BRCA2: variants seen among roughly 807,000 people sequenced by gnomAD.
BRCA2 encodes the protein BRCA2 DNA repair associated, also known as breast cancer type 2 susceptibility protein.
Under a neutral mutation model 276.7 loss-of-function variants are expected in BRCA2, and 203 were observed. The observed-to-expected ratio is 0.73, with a 90% CI of 0.65 to 0.82. BRCA2 has a LOEUF of 0.82. BRCA2 is among the 40% of genes least tolerant of loss of function. The pLI is 0.00. For missense variants in BRCA2, 3,920 were observed against 3,915.0 expected (o/e 1.00, Z -0.03); for synonymous variants, 1,289 against 1,338.4 (o/e 0.96, Z 0.81).
At chr13:32,387,926 T>A (rs1019499172) in intron 24 of BRCA2, among the ~76,000 whole-genome samples, 1 of 152,144 alleles carries the variant, frequency 6.6e-6, no homozygotes, top group Non-Finnish European at 1.5e-5. Flanking sequence ...TTGTCTTGTA[T>A]GCAATAAATA....
rs376582345 is a variant in BRCA2 at position 32,326,577 on chromosome 13, G to A, written c.595G>A (p.Ala199Thr). 4 of 1,612,522 alleles carry A rather than the reference G, an allele frequency of 2.5e-6. No individual in the cohort carries two copies. The highest frequency in any genetic ancestry group is 1.3e-5 in the African/African-American group (1 of 74,892). ...TGATATGTCTTGGTCAAGTTCTTTA[G>A]CTACACCACCCACCCTTAGTTCTAC... ...DPDMSWSSSL[A>T]TPPTLSSTVL... Residue 199 changes from alanine (A) to threonine (T), a missense_variant, in exon 7 of 27, where the codon GCT (alanine) becomes ACT (threonine). Transcript: ENST00000380152.
At chr13:32,395,700 C>T (rs1224545950) in intron 25 of BRCA2, among the ~76,000 whole-genome samples, 1 of 151,884 alleles carries the variant, frequency 6.6e-6, no homozygotes, top group African/African-American at 2.4e-5. Flanking sequence ...GAAGAATACA[C>T]AAAAAATAAG....
chr13:32,349,267 T>G (rs149300651), intron 13 of BRCA2, among the ~76,000 whole-genome samples: 4 of 151,382 alleles, frequency 2.6e-5, no homozygotes, highest in Admixed American at 2.0e-4. Flanking sequence ...ACTCATATCC[T>G]TTCTTTGCCT....
chr13:32,363,673 C>A, intron 18 of BRCA2, 140 bp downstream of exon 18: 2 of 854,318 alleles, frequency 2.3e-6, no homozygotes, highest in Non-Finnish European at 3.6e-6. Context: ...AAAGCATATT[C>A]TTCAGACAGT....
At chr13:32,372,674 C>A (rs1464752512) in intron 20 of BRCA2, among the ~76,000 whole-genome samples, 2 of 152,124 alleles carry the variant, frequency 1.3e-5, no homozygotes, top group Non-Finnish European at 2.9e-5. Context: ...CAGAGCCAAA[C>A]CATATCATTC....
chr13:32,398,820 A>G lies in BRCA2; in HGVS notation c.*50A>G, dbSNP rs761312704. 8 of 1,588,430 alleles carry G rather than the reference A, an allele frequency of 5.0e-6. No individual in the cohort carries two copies. Among genetic ancestry groups the G allele is most frequent in the Non-Finnish European group, 6.0e-6 (7 of 1,165,406 alleles). On this transcript the variant is annotated 3_prime_UTR_variant, in exon 27 of 27. Transcript: ENST00000380152. ...TATTGACGCTTAACCTTTCCAGTTT[A>G]TAAGACTGGAATATAATTTCAAACC...
intron 10 of BRCA2, among the ~76,000 whole-genome samples, chr13:32,334,675 GAA>G (rs751202199): frequency 8.4e-6 from 1 of 118,528 alleles, no homozygotes; most frequent in Non-Finnish European, 1.8e-5. Context: ...CCTTGTCCCT[GAA>G]AAAAAAAAAA....
intron 23 of BRCA2, 44 bp downstream of exon 23, chr13:32,379,957 G>A (rs371065243): frequency 1.2e-6 from 2 of 1,613,042 alleles, no homozygotes; most frequent in South Asian, 2.2e-5. Context: ...ATAAGTGCTT[G>A]TTAGTTTATG....
rs12868315 is a variant in BRCA2 at position 32,368,810 on chromosome 13, G to T, written c.8332-1592G>T. Among the ~76,000 whole-genome samples, 36,262 of 138,866 alleles carry T rather than the reference G, an allele frequency of 0.26. 4,649 individuals are homozygous for T. Among genetic ancestry groups the T allele is most frequent in the Non-Finnish European group, 0.29 (17,962 of 62,996 alleles). The allele number at this position is 138,866 out of a possible 152,430, so 91.1% of individuals were successfully genotyped here. On this transcript the variant is annotated intron_variant, in intron 18 of 26. Transcript: ENST00000380152. ...TTTTTGTTTTTTTGTTTTTTTTTTG[G>T]TTTTTTTTGTTTTTTTTTTAGATGG...
intron 13 of BRCA2, among the ~76,000 whole-genome samples, chr13:32,350,044 G>C (rs911998836): frequency 3.3e-5 from 5 of 152,062 alleles, no homozygotes; most frequent in Non-Finnish European, 5.9e-5. Context: ...CCACCACTCA[G>C]CTTCCAGAAC....
intron 3 of BRCA2, among the ~76,000 whole-genome samples, chr13:32,320,279 A>G (rs2072298052): frequency 6.6e-6 from 1 of 152,226 alleles, no homozygotes; most frequent in Non-Finnish European, 1.5e-5. Context: ...TTATTGTGTC[A>G]AACCTTAGAT....
intron 16 of BRCA2, among the ~76,000 whole-genome samples, chr13:32,361,119 C>T (rs1167873075): frequency 3.3e-5 from 5 of 152,068 alleles, no homozygotes; most frequent in Admixed American, 1.3e-4. Flanking sequence ...CACAAGTCAT[C>T]GGCATATAGA....
At chr13:32,365,684 GT>G (rs1411471863) in intron 18 of BRCA2, among the ~76,000 whole-genome samples, 1 of 107,726 alleles carries the variant, frequency 9.3e-6, no homozygotes, top group African/African-American at 3.5e-5. Context: ...AGCCTGTTTT[GT>G]TGTTATTTAA....
rs397507307 is a variant in BRCA2, at chr13:32,337,704, A to G, written c.3349A>G (p.Ile1117Val). ...QKAEITELST[I>V]LEESGSQFEF... ...GGCAGAAATTACAGAACTTTCTACT[A>G]TATTAGAAGAATCAGGAAGTCAGTT... Residue 1117 changes from isoleucine to valine, a missense_variant, in exon 11 of 27, where the codon ATA (isoleucine) becomes GTA (valine). Around this residue, in one of 2 missense-constraint regions of BRCA2, gnomAD observed 3,263 missense variants for 3,156.9 expected, o/e 1.03. Coordinates refer to ENST00000380152, the MANE Select transcript of BRCA2 (RefSeq NM_000059.4). 1 of 1,612,366 alleles carries G rather than the reference A, an allele frequency of 6.2e-7. No individual in the cohort carries two copies. The highest frequency in any genetic ancestry group is 8.5e-7 in the Non-Finnish European group (1 of 1,179,414).
intron 20 of BRCA2, among the ~76,000 whole-genome samples, chr13:32,376,117 GA>G (rs777731383): frequency 6.0e-5 from 9 of 150,054 alleles, no homozygotes; most frequent in Non-Finnish European, 1.3e-4. Context: ...TCAGTGAAGT[GA>G]AATACATTAA....
At chr13:32,383,363 A>G (rs2072938370) in intron 24 of BRCA2, among the ~76,000 whole-genome samples, 1 of 152,184 alleles carries the variant, frequency 6.6e-6, no homozygotes, top group Non-Finnish European at 1.5e-5. Context: ...AAAGAAAAAG[A>G]GAAAGAAAAG....
chr13:32,373,370 G>C (rs1254272851), intron 20 of BRCA2, among the ~76,000 whole-genome samples: 1 of 151,746 alleles, frequency 6.6e-6, no homozygotes, highest in African/African-American at 2.4e-5. Context: ...GCTGGGCGTG[G>C]TGGCACGCGT....
At chr13:32,317,966 G>A (rs1454378685) in intron 2 of BRCA2, among the ~76,000 whole-genome samples, 1 of 152,176 alleles carries the variant, frequency 6.6e-6, no homozygotes, top group East Asian at 1.9e-4. Context: ...AGTGCTTTAT[G>A]TATGCTTCCT....
In BRCA2 at chr13:32,376,351, G is replaced by A. The variant is rs1593934495; in HGVS notation, c.8633-319G>A. On this transcript the variant is annotated intron_variant, in intron 20 of 26. Transcript: ENST00000380152. ...AGCCTGGCCAATATGGTGAAACTCC[G>A]TCTCTACCAAAAATGCAAAAATTAA... 4.6e-5 allele frequency among the ~76,000 whole-genome samples: 7 copies of A among 151,738 alleles called. No homozygotes were observed. In the South Asian group the frequency reaches 8.3e-4, roughly 18 times the overall value.
Sources: allele counts gnomAD v4.1 joint callset (sites outside exome capture counted in the v4.1 genomes callset), GRCh38; gene constraint gnomAD v4.1.1; regional missense constraint gnomAD v4.1.1; transcripts MANE v1.5; gene names NCBI Gene and HGNC (gene_info 2026-07-23, HGNC 2026-07-21).